Variants in ABR observed in about 807,000 individuals in gnomAD.
ABR encodes the protein ABR activator of RhoGEF and GTPase.
A neutral mutation model predicts 107.2 loss-of-function variants in ABR; 35 were observed. The ratio of observed to expected loss-of-function variants is 0.33; its 90% CI spans 0.25 to 0.43. The LOEUF is 0.43. Ranked by LOEUF, ABR falls within the 20% of genes least tolerant of loss-of-function variation. The probability of loss-of-function intolerance (pLI) is 1.00; values close to 1 mark genes in which losing one functional copy is unlikely to be tolerated. For missense variants in ABR, 815 were observed against 1,115.2 expected (o/e 0.73, Z 3.83); for synonymous variants, 498 against 462.0 (o/e 1.08, Z -1.00).
chr17:1,201,184 CG>C (rs2042664496), intron 1 of ABR, among the ~76,000 whole-genome samples: 2 of 152,176 alleles, frequency 1.3e-5, no homozygotes, highest in Admixed American at 1.3e-4. Context: ...AATAGCTTCA[CG>C]GGGCCGGTGT....
chr17:1,012,071 G>A (rs1413319235), intron 18 of ABR, 86 bp from the exon 19 acceptor site: 2 of 1,591,812 alleles, frequency 1.3e-6, no homozygotes. Flanking sequence ...ACACACCCTG[G>A]AGAGCTTCTA....
chr17:1,076,048 AATAAAT>A (rs1366257580), intron 6 of ABR, among the ~76,000 whole-genome samples: 1 of 152,164 alleles, frequency 6.6e-6, no homozygotes, highest in Non-Finnish European at 1.5e-5. Flanking sequence ...TTTAAATAAA[AATAAAT>A]ATAGAGACAA....
At chr17:1,090,416 C>T (rs1256818041) in intron 4 of ABR, among the ~76,000 whole-genome samples, 1 of 152,058 alleles carries the variant, frequency 6.6e-6, no homozygotes, top group East Asian at 1.9e-4. Context: ...GGTGAGTGGG[C>T]CTGGAGGCAG....
intron 3 of ABR, among the ~76,000 whole-genome samples, chr17:1,099,295 G>C (rs190532842): frequency 6.6e-6 from 1 of 151,948 alleles, no homozygotes; most frequent in Non-Finnish European, 1.5e-5. Context: ...GGCTGGTCTC[G>C]AACTCCTGTC....
At chr17:1,217,422 C>G (rs2043030925) in intron 1 of ABR, among the ~76,000 whole-genome samples, 1 of 152,126 alleles carries the variant, frequency 6.6e-6, no homozygotes, top group Non-Finnish European at 1.5e-5. Flanking sequence ...AAACTAGTAA[C>G]AGTGGGGATA....
upstream of ABR, among the ~76,000 whole-genome samples, chr17:1,192,156 T>C (rs2042450086): frequency 6.6e-6 from 1 of 150,390 alleles, no homozygotes; most frequent in Non-Finnish European, 1.5e-5. Flanking sequence ...TATTATTATT[T>C]TGTAGAGCCA....
At chr17:1,043,192 G>A (rs1053254226) in intron 16 of ABR, among the ~76,000 whole-genome samples, 1 of 152,188 alleles carries the variant, frequency 6.6e-6, no homozygotes, top group Non-Finnish European at 1.5e-5. Context: ...TTTTGAGATG[G>A]AGTCTCACTC....
intron 1 of ABR, among the ~76,000 whole-genome samples, chr17:1,218,019 G>C (rs770870545): frequency 6.6e-6 from 1 of 151,924 alleles, no homozygotes; most frequent in Non-Finnish European, 1.5e-5. Flanking sequence ...TAGTGGAGAC[G>C]GGGTTTCACC....
upstream of ABR, among the ~76,000 whole-genome samples, chr17:1,188,321 C>T (rs1040930114): frequency 1.8e-4 from 27 of 152,200 alleles, no homozygotes; most frequent in African/African-American, 6.5e-4. Context: ...GAGGCCGAGG[C>T]GGGCAGATCA....
rs370097775 is a variant in ABR at position 1,007,177 on chromosome 17, G to A, written c.2478C>T (p.Asp826=). Residue 826 remains aspartate (D), a synonymous_variant, in exon 22 of 23, where the codon GAC becomes GAT. Transcript: ENST00000302538. ...LTSAADIWSH[D]VMAQVQVLLY... ...GGTGCCAGGGTACCTGCGCCATGAC[G>A]TCATGGGACCAGATGTCCGCAGCCG... 7 of 1,613,636 alleles carry A rather than the reference G, an allele frequency of 4.3e-6. No individual in the cohort carries two copies. The highest frequency in any genetic ancestry group is 1.1e-5 in the South Asian group (1 of 91,064).
chr17:1,161,844 A>T (rs7219395), intron 1 of ABR, among the ~76,000 whole-genome samples: 24 of 152,190 alleles, frequency 1.6e-4, no homozygotes, highest in Admixed American at 1.2e-3. Flanking sequence ...TGTGAGCCAC[A>T]GCGCCCGGCC....
intron 1 of ABR, among the ~76,000 whole-genome samples, chr17:1,226,959 G>A (rs545192384): frequency 2.6e-4 from 40 of 152,218 alleles, no homozygotes; most frequent in Non-Finnish European, 1.2e-4. Context: ...GGCAGAACCC[G>A]AACATGTAGC....
intron 10 of ABR, 31 bp downstream of exon 10, chr17:1,067,046 G>T (rs771355536): frequency 6.2e-7 from 1 of 1,608,150 alleles, no homozygotes; most frequent in Non-Finnish European, 8.5e-7. Flanking sequence ...GGCTCAAAGG[G>T]CCCCAGGCTC....
Position 1,194,476 on chromosome 17 carries a change from T to G in ABR, c.838+34317A>C, listed in dbSNP as rs12451136. Among the ~76,000 whole-genome samples, 373 of 144,464 alleles carry G rather than the reference T, an allele frequency of 2.6e-3. 65 individuals carry two copies. Among genetic ancestry groups the G allele is most frequent in the Admixed American group, 0.023 (313 of 13,452 alleles). The allele number at this position is 144,464 out of a possible 152,430, so 94.8% of individuals were successfully genotyped here. On this transcript the variant is annotated intron_variant, in intron 1 of 22. Transcript: ENST00000574139. ...CTTCCCAAAGTGCTGGGATTACAGG[T>G]GTGAGACACTTCGCCCAGCCTTCTT...
At chr17:1,160,661 G>A (rs934678355) in intron 1 of ABR, among the ~76,000 whole-genome samples, 1 of 152,208 alleles carries the variant, frequency 6.6e-6, no homozygotes, top group Non-Finnish European at 1.5e-5. Context: ...ACAGCCAGAC[G>A]CCGAGCGCGT....
chr17:1,089,142 C>T (rs1386654910), intron 4 of ABR, among the ~76,000 whole-genome samples: 1 of 152,118 alleles, frequency 6.6e-6, no homozygotes, highest in African/African-American at 2.4e-5. Context: ...ACGATCCACC[C>T]ACCCCGGCCT....
chr17:1,181,009 T>G (rs912984147), upstream of ABR, among the ~76,000 whole-genome samples: 6 of 152,132 alleles, frequency 3.9e-5, no homozygotes, highest in African/African-American at 1.4e-4. Flanking sequence ...GTACCCCAGA[T>G]AGTGACATTT....
intron 14 of ABR, among the ~76,000 whole-genome samples, chr17:1,054,163 G>A (rs773808912): frequency 4.6e-5 from 7 of 152,226 alleles, no homozygotes; most frequent in East Asian, 1.9e-4. Context: ...CCGTGACCTC[G>A]GCGGGATGCC....
chr17:1,187,878 AGAGT>A (rs535694821), upstream of ABR, among the ~76,000 whole-genome samples: 392 of 151,948 alleles, frequency 2.6e-3, 2 homozygotes, highest in African/African-American at 8.9e-3. Flanking sequence ...TGGGTGCGAC[AGAGT>A]GAGGCTCCCT....
Sources: allele counts gnomAD v4.1 joint callset (sites outside exome capture counted in the v4.1 genomes callset), GRCh38; gene constraint gnomAD v4.1.1; transcripts MANE v1.5; gene names NCBI Gene and HGNC (gene_info 2026-07-23, HGNC 2026-07-21).